Variants in SV2C observed in about 807,000 individuals in gnomAD.
SV2C encodes the protein solute carrier family 22 member B3.
Under a neutral mutation model 79.7 loss-of-function variants are expected in SV2C, and 49 were observed. That is an observed-to-expected ratio of 0.61 (90% CI 0.49 to 0.78). The LOEUF (loss-of-function observed/expected upper bound fraction) is 0.78, where lower values mean the gene tolerates loss of function less well. Ranked by LOEUF, SV2C falls within the 30% of genes least tolerant of loss-of-function variation. The probability of loss-of-function intolerance (pLI) is 0.00; values close to 1 mark genes in which losing one functional copy is unlikely to be tolerated. For missense variants in SV2C, 833 were observed against 912.9 expected, an observed-to-expected ratio of 0.91 and a Z score of 1.13; for synonymous variants, 334 against 333.2, an observed-to-expected ratio of 1.00 and a Z score of -0.03.
At chr5:76,069,450 CCCTGTAGTGTAGGTCCTTGTTTTGT>C in the SV2C span, among the ~76,000 whole-genome samples, 4 of 152,202 alleles carry the variant, frequency 2.6e-5, no homozygotes, top group Admixed American at 2.0e-4. Flanking sequence ...CATTCTGCTG[CCCTGTAGTGTAGGTCCTTGTTTTGT>C]CCTGTACAGG....
chr5:76,305,190 A>G (rs377244440), intron 12 of SV2C, among the ~76,000 whole-genome samples: 1 of 152,150 alleles, frequency 6.6e-6, no homozygotes, highest in East Asian at 1.9e-4. Flanking sequence ...CCATAATTCA[A>G]TCATCTCCCA....
rs770129793 is a variant in SV2C at position 76,190,703 on chromosome 5, C to G, written c.581-4216C>G. On this transcript the variant is annotated intron_variant, in intron 2 of 12. Coordinates refer to ENST00000502798, the MANE Select transcript of SV2C (RefSeq NM_014979.4). ...CACTGGGCCTCTATTGTAGACACAC[C>G]TCAGATTTGTGGAAGAAACTCTACC... Among the ~76,000 whole-genome samples the G allele has an allele frequency of 3.9e-5, 6 of 152,096 alleles. No homozygotes were observed. The South Asian group carries it at 1.2e-3, about 32-fold the overall frequency.
intron 1 of SV2C, among the ~76,000 whole-genome samples, chr5:76,087,344 C>T (rs1317762147): frequency 6.6e-6 from 1 of 152,168 alleles, no homozygotes; most frequent in East Asian, 1.9e-4. Context: ...GTATATAATA[C>T]AAATGATTAA....
chr5:76,132,547 A>G (rs746410751), intron 2 of SV2C, among the ~76,000 whole-genome samples: 10 of 152,224 alleles, frequency 6.6e-5, no homozygotes, highest in Non-Finnish European at 1.2e-4. Flanking sequence ...AACATTTACT[A>G]TATTTTCTTT....
the SV2C span, among the ~76,000 whole-genome samples, chr5:75,899,304 T>G: frequency 1.3e-5 from 2 of 152,364 alleles, no homozygotes; most frequent in South Asian, 2.1e-4. Flanking sequence ...ACATCTTTAT[T>G]TCTGCCTTCA....
chr5:75,855,394 T>G, the SV2C span, among the ~76,000 whole-genome samples: 3 of 152,166 alleles, frequency 2.0e-5, no homozygotes, highest in Non-Finnish European at 2.9e-5. Flanking sequence ...TGAGCTCTAC[T>G]GACTTTTGTG....
the SV2C span, among the ~76,000 whole-genome samples, chr5:76,055,887 G>C: frequency 6.6e-6 from 1 of 152,134 alleles, no homozygotes; most frequent in Non-Finnish European, 1.5e-5. Context: ...TCAGCTTAAG[G>C]AGTTTTGGGG....
At chr5:76,308,719 C>A (rs1284185891) in intron 12 of SV2C, among the ~76,000 whole-genome samples, 5 of 152,194 alleles carry the variant, frequency 3.3e-5, no homozygotes, top group Non-Finnish European at 5.9e-5. Flanking sequence ...ACTCCCCATC[C>A]CCAAGCTCCC....
the SV2C span, among the ~76,000 whole-genome samples, chr5:75,894,747 A>G: frequency 2.6e-5 from 4 of 152,216 alleles, no homozygotes; most frequent in South Asian, 8.3e-4. Flanking sequence ...TAAAAGGAAA[A>G]TCTGGGAAAT....
chr5:75,865,744 G>A, the SV2C span, among the ~76,000 whole-genome samples: 1 of 152,234 alleles, frequency 6.6e-6, no homozygotes. Context: ...GTCAAAGTAT[G>A]AAGATTTCCG....
At chr5:76,192,966 T>C (rs1388553801) in intron 2 of SV2C, among the ~76,000 whole-genome samples, 1 of 152,228 alleles carries the variant, frequency 6.6e-6, no homozygotes, top group Non-Finnish European at 1.5e-5. Context: ...CTCTTGTTAG[T>C]AAAATCTTCC....
intron 2 of SV2C, among the ~76,000 whole-genome samples, chr5:76,147,106 G>A (rs1423749943): frequency 6.6e-6 from 1 of 152,188 alleles, no homozygotes; most frequent in East Asian, 1.9e-4. Context: ...TAGGTTTGTG[G>A]TGATGACGAA....
rs912334113 is a variant in SV2C, at chr5:76,325,837, C to T, written c.*290C>T. On this transcript the variant is annotated 3_prime_UTR_variant, in exon 13 of 13. Transcript: ENST00000502798. Reference sequence around the variant, plus strand: ...TTCTAAAATGCCCTAGGCAGCCAGGCTTCCCTGGGGTTCTGCTCATTGAAA... The same window carrying T: ...TTCTAAAATGCCCTAGGCAGCCAGGTTTCCCTGGGGTTCTGCTCATTGAAA... 9.8e-6 allele frequency: 3 copies of T among 306,554 alleles called. No homozygotes were observed. The highest frequency in any genetic ancestry group is 1.8e-5 in the Non-Finnish European group (3 of 167,624). The allele number at this position is 306,554 out of a possible 1,614,324, so 19.0% of individuals were successfully genotyped here.
At chr5:76,016,113 G>T in the SV2C span, among the ~76,000 whole-genome samples, 1 of 151,980 alleles carries the variant, frequency 6.6e-6, no homozygotes, top group East Asian at 1.9e-4. Context: ...TTTCATCTCT[G>T]CTTTCCACTG....
chr5:76,334,406 C>A (rs1749271627), downstream of SV2C, among the ~76,000 whole-genome samples: 1 of 152,224 alleles, frequency 6.6e-6, no homozygotes, highest in South Asian at 2.1e-4. Context: ...CTGCATTTAA[C>A]AGAAGACACA....
intron 2 of SV2C, among the ~76,000 whole-genome samples, chr5:76,135,871 G>A (rs1749052640): frequency 6.6e-6 from 1 of 152,104 alleles, no homozygotes; most frequent in South Asian, 2.1e-4. Flanking sequence ...GGAAAGATGT[G>A]CAGCCATTTT....
chr5:75,989,114 C>A, the SV2C span, among the ~76,000 whole-genome samples: 1 of 151,690 alleles, frequency 6.6e-6, no homozygotes, highest in South Asian at 2.1e-4. Flanking sequence ...TGGAGTTTTC[C>A]CACTTTCCAA....
the SV2C span, among the ~76,000 whole-genome samples, chr5:75,987,715 T>G: frequency 6.6e-6 from 1 of 152,064 alleles, no homozygotes; most frequent in Non-Finnish European, 1.5e-5. Flanking sequence ...GTTTGTTGTT[T>G]TAAATGATAA....
rs578111551 is a variant in SV2C at position 76,094,949 on chromosome 5, A to G, written c.-102+11437A>G. Among the ~76,000 whole-genome samples the G allele has an allele frequency of 2.6e-5, 4 of 152,194 alleles. No individual in the cohort carries two copies. The South Asian group carries it at 8.3e-4, about 32-fold the overall frequency. ...ATGAAAAAGAGTTTTAAATTTTAAT[A>G]AAGTCCAATTTTTCTCTTTTTTTTC... On this transcript the variant is annotated intron_variant, in intron 1 of 12. Transcript: ENST00000502798.
Sources: allele counts gnomAD v4.1 joint callset (sites outside exome capture counted in the v4.1 genomes callset), GRCh38; gene constraint gnomAD v4.1.1; transcripts MANE v1.5; gene names NCBI Gene and HGNC (gene_info 2026-07-23, HGNC 2026-07-21).